Variants in NPFFR2 observed in about 807,000 individuals in gnomAD.
NPFFR2 encodes G-protein coupled receptor 74.
A neutral mutation model predicts 13.1 loss-of-function variants in NPFFR2; 15 were observed. The ratio of observed to expected loss-of-function variants is 1.15; its 90% CI spans 0.77 to 1.76. NPFFR2 has a LOEUF of 1.76. Ranked by LOEUF, NPFFR2 falls within the 40% of genes most tolerant of loss-of-function variation. The probability of loss-of-function intolerance (pLI) is 0.00; values close to 1 mark genes in which losing one functional copy is unlikely to be tolerated. For synonymous variants in NPFFR2, 190 were observed against 175.7 expected, an observed-to-expected ratio of 1.08 and a Z score of -0.65; for missense variants, 572 against 503.5, an observed-to-expected ratio of 1.14 and a Z score of -1.30.
chr4:72,094,395 TG>T, intron 1 of NPFFR2, among the ~76,000 whole-genome samples: 1 of 152,152 alleles, frequency 6.6e-6, no homozygotes, highest in Middle Eastern at 3.4e-3. Flanking sequence ...GATCAGGCGG[TG>T]TGTGGGGCCA....
chr4:72,138,087 G>C lies in NPFFR2; in HGVS notation c.376G>C (p.Gly126Arg). The stretch of plus-strand genomic sequence containing the variant: ...GTGCAAGATCAGTGGATTGGTCCAG[G>C]GAATATCTGTCGCAGCTTCAGTCTT... The part of the protein sequence containing the change: ...TMCKISGLVQ[G>R]ISVAASVFTL... Residue 126 changes from glycine to arginine, a missense_variant, in exon 3 of 4, where the codon GGA becomes CGA. Physicochemically the swap from Gly to Arg is moderately radical, Grantham distance 125. Coordinates refer to ENST00000308744, the MANE Select transcript of NPFFR2 (RefSeq NM_004885.3). The C allele has an allele frequency of 6.2e-7, 1 of 1,613,724 alleles. No individual in the cohort carries two copies. Among genetic ancestry groups the C allele is most frequent in the Non-Finnish European group, 8.5e-7 (1 of 1,179,812 alleles).
intron 1 of NPFFR2, among the ~76,000 whole-genome samples, chr4:72,041,430 A>G (rs1719217592): frequency 6.6e-6 from 1 of 152,150 alleles, no homozygotes; most frequent in Non-Finnish European, 1.5e-5. Context: ...TCATGTCTTT[A>G]TTATTGTGAA....
rs555339811 is a variant in NPFFR2, at chr4:72,059,724, A to G, written c.-8+27524A>G. ...GGTTTCTTCTAATTGCTGAGTATGG[A>G]TATTCCAACTTATATTAATATTTAG... On this transcript the variant is annotated intron_variant, in intron 1 of 3. Transcript: ENST00000308744. Among the ~76,000 whole-genome samples the G allele has an allele frequency of 2.6e-4, 39 of 152,156 alleles. No individual in the cohort carries two copies. The South Asian group carries it at 7.5e-3, about 29-fold the overall frequency.
intron 2 of NPFFR2, among the ~76,000 whole-genome samples, chr4:72,131,700 A>C (rs1333117283): frequency 6.6e-6 from 1 of 152,216 alleles, no homozygotes; most frequent in Non-Finnish European, 1.5e-5. Context: ...GGTGATTTGT[A>C]AGAACAGTAA....
chr4:72,128,605 G>T lies in NPFFR2; in HGVS notation c.14G>T (p.Trp5Leu). 1 of 1,601,986 alleles carries T rather than the reference G, an allele frequency of 6.2e-7. No individual in the cohort carries two copies. Among genetic ancestry groups the T allele is most frequent in the Admixed American group, 1.7e-5 (1 of 59,188 alleles). MNEK[W>L]DTNSSENWHP... is the part of the protein sequence containing the mutation. ...TTAAGGTTCATCATGAATGAGAAAT[G>T]GGACACAAACTCTTCAGAAAACTGG... The change falls in exon 2 of 4, where the codon TGG becomes TTG. Residue 5 changes from tryptophan to leucine, a missense_variant. Physicochemically the swap from Trp to Leu is moderately conservative, Grantham distance 61 (BLOSUM62 -2). Coordinates refer to ENST00000308744, the MANE Select transcript of NPFFR2 (RefSeq NM_004885.3).
In NPFFR2 at chr4:72,128,260, G is replaced by GTTC. The variant is rs200899850; in HGVS notation, c.-7-324_-7-323insTCT. Among the ~76,000 whole-genome samples the GTTC allele has an allele frequency of 8.0e-3, 1,221 of 152,278 alleles. 6 individuals carry two copies. The highest frequency in any genetic ancestry group is 0.013 in the Non-Finnish European group (869 of 68,010). ...TCTTGACAGAATATGATACCTGGAG[G>GTTC]TAGAGGGAAGGAGAGTTTTGGAAGG... On this transcript the variant is annotated intron_variant, in intron 1 of 3. Coordinates refer to ENST00000308744, the MANE Select transcript of NPFFR2 (RefSeq NM_004885.3).
At chr4:72,106,333 A>G (rs1721418286) in intron 1 of NPFFR2, among the ~76,000 whole-genome samples, 1 of 152,020 alleles carries the variant, frequency 6.6e-6, no homozygotes, top group South Asian at 2.1e-4. Context: ...AAGATGCATT[A>G]GTGTTAATGG....
In NPFFR2 at chr4:72,069,537, T is replaced by A. The variant is rs186449577; in HGVS notation, c.-8+37337T>A. Among the ~76,000 whole-genome samples the A allele has an allele frequency of 2.9e-3, 449 of 152,236 alleles. 2 individuals carry two copies. The highest frequency in any genetic ancestry group is 0.011 in the African/African-American group (441 of 41,560). ...TATTAAAATAGGAATCAGACAGGTA[T>A]GCCTATGATCACTGCAGATGTTGTT... is the stretch of plus-strand genomic sequence containing the variant. On this transcript the variant is annotated intron_variant, in intron 1 of 3. Coordinates refer to ENST00000308744, the MANE Select transcript of NPFFR2 (RefSeq NM_004885.3).
chr4:72,048,483 A>C (rs1386262425), intron 1 of NPFFR2, among the ~76,000 whole-genome samples: 1 of 152,146 alleles, frequency 6.6e-6, no homozygotes, highest in African/African-American at 2.4e-5. Context: ...GCCAATTCAC[A>C]ATATACATAT....
At chr4:72,126,416 T>G (rs1722045241) in intron 1 of NPFFR2, among the ~76,000 whole-genome samples, 1 of 152,222 alleles carries the variant, frequency 6.6e-6, no homozygotes, top group Admixed American at 6.5e-5. Context: ...TGGGCAGATA[T>G]AACCTTCTGT....
At position 72,075,315 on chromosome 4, in the gene NPFFR2, A is replaced by G. The variant is rs531213427; in HGVS notation, c.-8+43115A>G. On this transcript the variant is annotated intron_variant, in intron 1 of 3. Transcript: ENST00000308744. The stretch of plus-strand genomic sequence containing the variant: ...TTGCTGTTCAGCCTGGAGACAGCCC[A>G]TTGTGGGACCTTGTGATTGTGTGAG... 4.8e-4 allele frequency among the ~76,000 whole-genome samples: 73 copies of G among 152,284 alleles called. 1 individual carries two copies. Among genetic ancestry groups the G allele is most frequent in the African/African-American group, 1.7e-3 (72 of 41,584 alleles).
chr4:72,135,866 CATATG>C (rs1560422330), intron 2 of NPFFR2, among the ~76,000 whole-genome samples: 1 of 151,166 alleles, frequency 6.6e-6, no homozygotes, highest in East Asian at 1.9e-4. Context: ...TTATGGGGTA[CATATG>C]ATGTTTTGAT....
rs565162314 is a variant in NPFFR2, at chr4:72,124,919, A to G, written c.-7-3666A>G. Reference sequence around the variant, plus strand: ...ATGGCAATAAAAGCCAAAATTGACAAATGAGATCCAATGAAACTAAAGAGC... The same window carrying G: ...ATGGCAATAAAAGCCAAAATTGACAGATGAGATCCAATGAAACTAAAGAGC... On this transcript the variant is annotated intron_variant, in intron 1 of 3. Coordinates refer to ENST00000308744, the MANE Select transcript of NPFFR2 (RefSeq NM_004885.3). 2.3e-4 allele frequency among the ~76,000 whole-genome samples: 35 copies of G among 152,356 alleles called. No individual in the cohort carries two copies. The South Asian group carries it at 4.3e-3, about 19-fold the overall frequency.
At chr4:72,127,027 G>A (rs1365514831) in intron 1 of NPFFR2, among the ~76,000 whole-genome samples, 1 of 152,052 alleles carries the variant, frequency 6.6e-6, no homozygotes, top group Non-Finnish European at 1.5e-5. Flanking sequence ...TATAGGCCGG[G>A]TGCGGTGGCT....
intron 1 of NPFFR2, among the ~76,000 whole-genome samples, chr4:72,037,195 C>A (rs1443143791): frequency 6.6e-6 from 1 of 151,260 alleles, no homozygotes; most frequent in Non-Finnish European, 1.5e-5. Context: ...TTGAGATCAG[C>A]CTAGGCAACA....
intron 1 of NPFFR2, among the ~76,000 whole-genome samples, chr4:72,082,436 A>G (rs576544622): frequency 1.6e-4 from 24 of 152,194 alleles, no homozygotes; most frequent in African/African-American, 4.8e-4. Context: ...TGGAATATCT[A>G]TTTTGCCAAA....
intron 1 of NPFFR2, among the ~76,000 whole-genome samples, chr4:72,115,666 A>T (rs10938005): frequency 6.6e-6 from 1 of 152,068 alleles, no homozygotes; most frequent in Non-Finnish European, 1.5e-5. Flanking sequence ...CTCCATTTTC[A>T]TGAAAGTTCT....
chr4:72,128,056 G>T (rs961017621), intron 1 of NPFFR2, among the ~76,000 whole-genome samples: 3 of 152,136 alleles, frequency 2.0e-5, no homozygotes, highest in Admixed American at 6.6e-5. Context: ...TCCCATCCAG[G>T]TGACAGAGTG....
At chr4:72,127,609 C>T (rs1385452761) in intron 1 of NPFFR2, among the ~76,000 whole-genome samples, 23 of 145,304 alleles carry the variant, frequency 1.6e-4, no homozygotes, top group Admixed American at 3.4e-4. Context: ...GTGATCCGCC[C>T]GCCTCGGCCT....
Sources: gnomAD v4.1 joint callset for allele counts (sites outside exome capture counted in the v4.1 genomes callset) on GRCh38, gnomAD v4.1.1 for gene constraint, MANE v1.5 for transcripts, NCBI Gene and HGNC (gene_info 2026-07-23, HGNC 2026-07-21) for gene names.